Variants in RORA observed in about 807,000 individuals in gnomAD.
RORA encodes the protein RAR related orphan receptor A, also known as nuclear receptor ROR-alpha.
In RORA, 7 loss-of-function variants were observed where a neutral mutation model predicts 69.5. The observed-to-expected ratio is 0.10, with a 90% confidence interval of 0.06 to 0.19. RORA has a LOEUF of 0.19. Among genes scored for constraint, RORA ranks in the 10% least tolerant of loss-of-function variants. The pLI is 1.00. For synonymous variants in RORA, 261 were observed against 240.8 expected (o/e 1.08, Z -0.78); for missense variants, 457 against 663.0 (o/e 0.69, Z 3.41).
rs931486576 is a variant in RORA at position 61,213,654 on chromosome 15, C to A, written c.166+15399G>T. 2.0e-5 allele frequency: 3 copies of A among 152,342 alleles called. No homozygotes were observed. Among genetic ancestry groups the A allele is most frequent in the Middle Eastern group, 3.4e-3 (1 of 294 alleles). 9.4% of individuals were successfully genotyped at this position (152,342 alleles called of 1,614,324 possible). On this transcript the variant is annotated intron_variant, in intron 1 of 10. Transcript: ENST00000335670. The surrounding 1 kb of genome is among the most constrained non-coding windows in gnomAD (Gnocchi z 4.1). ...GGGCAGGCATAACCACCTCAGTGAGCTTTCCCTAACTCCTCTCGGGGCATT... is the reference window on the plus strand; with the variant it reads ...GGGCAGGCATAACCACCTCAGTGAGATTTCCCTAACTCCTCTCGGGGCATT...
At chr15:60,924,215 A>C (rs948592931) in intron 1 of RORA, among the ~76,000 whole-genome samples, 6 of 151,858 alleles carry the variant, frequency 4.0e-5, no homozygotes, top group African/African-American at 1.5e-4. Flanking sequence ...CTGAGGCAGA[A>C]GATGTGACCA....
chr15:60,711,350 A>C (rs1267041395), intron 1 of RORA, among the ~76,000 whole-genome samples: 2 of 152,202 alleles, frequency 1.3e-5, no homozygotes, highest in Non-Finnish European at 2.9e-5. Flanking sequence ...AGTAGCTGCC[A>C]GCATAGAACA....
chr15:61,048,949 G>GC (rs1419078735), intron 1 of RORA, among the ~76,000 whole-genome samples: 1 of 152,130 alleles, frequency 6.6e-6, no homozygotes, highest in Admixed American at 6.5e-5. Flanking sequence ...TTTCCGCTAT[G>GC]CCTTTGTACT....
chr15:61,126,347 T>G (rs1418024827), intron 1 of RORA, among the ~76,000 whole-genome samples: 2 of 152,220 alleles, frequency 1.3e-5, no homozygotes, highest in Admixed American at 1.3e-4. Context: ...ATCCATCAAC[T>G]TACACACCTT....
intron 1 of RORA, among the ~76,000 whole-genome samples, chr15:61,076,786 C>A (rs998437825): frequency 3.9e-5 from 6 of 152,218 alleles, no homozygotes; most frequent in Non-Finnish European, 8.8e-5. Context: ...GATCTGACAG[C>A]AGGCATGGCT....
chr15:60,956,598 C>G (rs1159940817), intron 1 of RORA, among the ~76,000 whole-genome samples: 1 of 152,150 alleles, frequency 6.6e-6, no homozygotes, highest in Non-Finnish European at 1.5e-5. Flanking sequence ...CATAAATATT[C>G]TGTGTCTTGG....
At chr15:60,778,669 C>T (rs1313039797) in intron 1 of RORA, among the ~76,000 whole-genome samples, 3 of 152,082 alleles carry the variant, frequency 2.0e-5, no homozygotes, top group Non-Finnish European at 4.4e-5. Context: ...CTCCCTTTAG[C>T]GAAAAACAGA....
intron 1 of RORA, among the ~76,000 whole-genome samples, chr15:61,181,560 A>G (rs1183251829): frequency 1.3e-5 from 2 of 151,968 alleles, no homozygotes; most frequent in African/African-American, 4.8e-5. Context: ...TTTGAAATTC[A>G]TGCTCTGAAA....
At chr15:61,019,695 A>T (rs1895437100) in intron 1 of RORA, among the ~76,000 whole-genome samples, 1 of 152,260 alleles carries the variant, frequency 6.6e-6, no homozygotes, top group South Asian at 2.1e-4. Context: ...AGTCTCTCAC[A>T]TCTGTACTTA....
chr15:60,678,825 A>G (rs2070594954), intron 1 of RORA, 139 bp from the exon 2 acceptor site: 1 of 703,150 alleles, frequency 1.4e-6, no homozygotes, highest in Non-Finnish European at 2.5e-6. Context: ...AACATTGCAC[A>G]GGAGTGTCAC....
At chr15:60,739,497 G>C (rs1459989070) in intron 1 of RORA, among the ~76,000 whole-genome samples, 2 of 152,122 alleles carry the variant, frequency 1.3e-5, no homozygotes, top group Non-Finnish European at 2.9e-5. Context: ...CTTGATCCCA[G>C]GAGGCAGAGG....
At chr15:60,700,618 A>G (rs976338327) in intron 1 of RORA, among the ~76,000 whole-genome samples, 1 of 150,286 alleles carries the variant, frequency 6.7e-6, no homozygotes, top group Non-Finnish European at 1.5e-5. Context: ...TCAGCAATAA[A>G]CGTTTCCCCA....
intron 1 of RORA, among the ~76,000 whole-genome samples, chr15:60,889,992 A>G (rs1219496956): frequency 1.3e-5 from 2 of 152,220 alleles, no homozygotes; most frequent in Non-Finnish European, 2.9e-5. Flanking sequence ...AAAATAGAGG[A>G]AAATGTATCA....
intron 1 of RORA, among the ~76,000 whole-genome samples, chr15:61,100,020 A>G (rs1169869649): frequency 6.6e-6 from 1 of 152,140 alleles, no homozygotes; most frequent in Non-Finnish European, 1.5e-5. Context: ...AAAGTAGTCA[A>G]TCATCTTAAA....
chr15:60,592,257 G>A (rs879502508), intron 2 of RORA: 191 of 558,636 alleles, frequency 3.4e-4, no homozygotes, highest in Non-Finnish European at 4.5e-4. Context: ...GGCCCTGGCA[G>A]GGCCCCCGCG....
At position 60,572,303 on chromosome 15, in the gene RORA, T is replaced by C. The variant is rs143229147; in HGVS notation, c.197-40452A>G. On this transcript the variant is annotated intron_variant, in intron 2 of 10. Transcript: ENST00000335670. Reference sequence around the variant, plus strand: ...GGACAATCACTGAGAAATGTGTATGTTGGGGGAAAGAACCCCATAAGAAAC... The same window carrying C: ...GGACAATCACTGAGAAATGTGTATGCTGGGGGAAAGAACCCCATAAGAAAC... 1.6e-3 allele frequency among the ~76,000 whole-genome samples: 251 copies of C among 152,310 alleles called. 1 individual carries two copies. Among genetic ancestry groups the C allele is most frequent in the African/African-American group, 5.8e-3 (241 of 41,572 alleles).
chr15:60,554,945 CAGAG>C (rs2067317593), intron 2 of RORA, among the ~76,000 whole-genome samples: 1 of 151,966 alleles, frequency 6.6e-6, no homozygotes, highest in Non-Finnish European at 1.5e-5. Flanking sequence ...AAAATTTCCA[CAGAG>C]AGGAAAAAAT....
chr15:61,033,755 T>A (rs559961207), intron 1 of RORA, among the ~76,000 whole-genome samples: 3 of 152,122 alleles, frequency 2.0e-5, no homozygotes, highest in African/African-American at 7.2e-5. Flanking sequence ...AGATTTAGTA[T>A]GAAAACAGGG....
chr15:60,919,737 A>G (rs1012458325), intron 1 of RORA, among the ~76,000 whole-genome samples: 7 of 152,184 alleles, frequency 4.6e-5, no homozygotes, highest in Non-Finnish European at 7.3e-5. Flanking sequence ...TAGGAAGCTG[A>G]AAAATCCATC....
Sources: gnomAD v4.1 joint callset for allele counts (sites outside exome capture counted in the v4.1 genomes callset) on GRCh38, gnomAD v4.1.1 for gene constraint, Gnocchi (gnomAD v3.1) non-coding constraint, MANE v1.5 for transcripts, NCBI Gene and HGNC (gene_info 2026-07-23, HGNC 2026-07-21) for gene names.